Variants in CDKL4 observed in about 807,000 individuals in gnomAD.
CDKL4 encodes the protein cyclin-dependent kinase-like 4.
In CDKL4, 44 loss-of-function variants were observed where a neutral mutation model predicts 42.0. That is an observed-to-expected ratio of 1.05 (90% confidence interval 0.82 to 1.35). The LOEUF is 1.35. Ranked by LOEUF, CDKL4 falls within the 40% of genes most tolerant of loss-of-function variation. CDKL4 has a pLI of 0.00. For synonymous variants in CDKL4, 120 were observed against 121.6 expected, an observed-to-expected ratio of 0.99 and a Z score of 0.09; for missense variants, 393 against 369.9, an observed-to-expected ratio of 1.06 and a Z score of -0.51.
At chr2:39,196,544 CT>C (rs1240554526) in intron 5 of CDKL4, among the ~76,000 whole-genome samples, 3 of 152,210 alleles carry the variant, frequency 2.0e-5, no homozygotes. Context: ...CAGATCTTCC[CT>C]CTGACATAGT....
intron 9 of CDKL4, chr2:39,178,868 A>G (rs1051264053): frequency 1.4e-6 from 2 of 1,477,000 alleles, no homozygotes; most frequent in African/African-American, 1.4e-5. Context: ...TCCTGTTGGA[A>G]TCAGCATTTT....
downstream of CDKL4, among the ~76,000 whole-genome samples, chr2:39,170,699 C>T (rs1334544560): frequency 6.6e-6 from 1 of 152,098 alleles, no homozygotes; most frequent in East Asian, 1.9e-4. Flanking sequence ...TCATGATCTG[C>T]CCACCTCAGC....
chr2:39,238,013 C>G (rs923943654), intron 1 of CDKL4, among the ~76,000 whole-genome samples: 1 of 152,080 alleles, frequency 6.6e-6, no homozygotes, highest in Admixed American at 6.5e-5. Flanking sequence ...AAGTGCAAGA[C>G]CTGCATACTG....
At chr2:39,208,925 C>T (rs1454445699) in intron 4 of CDKL4, among the ~76,000 whole-genome samples, 3 of 151,966 alleles carry the variant, frequency 2.0e-5, no homozygotes, top group African/African-American at 7.2e-5. Context: ...GAGAGAAAAG[C>T]AACCCTCTCC....
chr2:39,221,118 A>G (rs1484884259), intron 3 of CDKL4, among the ~76,000 whole-genome samples: 2 of 146,524 alleles, frequency 1.4e-5, no homozygotes, highest in East Asian at 4.1e-4. Flanking sequence ...GGTTCACACC[A>G]TTCTCCTGCC....
chr2:39,221,002 TTTTTTTTTTTG>T (rs1455294717), intron 3 of CDKL4, among the ~76,000 whole-genome samples: 10,783 of 66,860 alleles, frequency 0.16, 624 homozygotes, highest in Middle Eastern at 0.22. Context: ...TTTTTTTTTG[TTTTTTTTTTTG>T]TTTTGTTTTT....
intron 3 of CDKL4, among the ~76,000 whole-genome samples, chr2:39,218,346 T>C (rs1678070775): frequency 1.3e-5 from 2 of 151,952 alleles, no homozygotes; most frequent in African/African-American, 2.4e-5. Flanking sequence ...ACTCAAAGTT[T>C]AAAAATTAGC....
intron 8 of CDKL4, 77 bp from the exon 9 acceptor site, chr2:39,179,398 T>C: frequency 8.5e-7 from 1 of 1,177,418 alleles, no homozygotes; most frequent in Non-Finnish European, 1.2e-6. Flanking sequence ...ACTGAATAAC[T>C]TGCTAGGATA....
upstream of CDKL4, among the ~76,000 whole-genome samples, chr2:39,244,562 C>A (rs1363174847): frequency 6.6e-6 from 1 of 152,252 alleles, no homozygotes; most frequent in South Asian, 2.1e-4. Flanking sequence ...CTCCCACCCC[C>A]TCCATGGGTT....
At chr2:39,185,177 C>T (rs571029853) in intron 7 of CDKL4, among the ~76,000 whole-genome samples, 12 of 112,670 alleles carry the variant, frequency 1.1e-4, no homozygotes, top group African/African-American at 2.6e-4. Flanking sequence ...TATATATATA[C>T]ATATGTGTAT....
intron 2 of CDKL4, among the ~76,000 whole-genome samples, chr2:39,229,092 G>A (rs1327217898): frequency 6.6e-6 from 1 of 152,116 alleles, no homozygotes; most frequent in Non-Finnish European, 1.5e-5. Flanking sequence ...GCCAGGGTTG[G>A]GGGCGAGCGT....
chr2:39,176,503 C>T (rs138964951), intron 9 of CDKL4, among the ~76,000 whole-genome samples: 3,691 of 152,272 alleles, frequency 0.024, 55 homozygotes, highest in Middle Eastern at 0.027. Flanking sequence ...GGTGCAATCT[C>T]GGCTCACTGC....
At chr2:39,241,237 T>C (rs138969999) in intron 1 of CDKL4, among the ~76,000 whole-genome samples, 2 of 152,238 alleles carry the variant, frequency 1.3e-5, no homozygotes, top group African/African-American at 4.8e-5. Flanking sequence ...TACTCTCAAA[T>C]GGTACAGAAA....
At chr2:39,183,246 C>T (rs949242596) in intron 8 of CDKL4, among the ~76,000 whole-genome samples, 10 of 144,724 alleles carry the variant, frequency 6.9e-5, no homozygotes, top group East Asian at 4.1e-4. Context: ...CCAGCCTGGG[C>T]GACAGAGCAA....
chr2:39,172,860 G>T (rs937951462), downstream of CDKL4, among the ~76,000 whole-genome samples: 2 of 152,170 alleles, frequency 1.3e-5, no homozygotes, highest in Non-Finnish European at 2.9e-5. Context: ...GGGATTACAG[G>T]CATGAGCCAC....
At chr2:39,210,455 G>A (rs1027385981) in intron 4 of CDKL4, among the ~76,000 whole-genome samples, 1 of 152,152 alleles carries the variant, frequency 6.6e-6, no homozygotes, top group Non-Finnish European at 1.5e-5. Flanking sequence ...CAATCAGTTA[G>A]GCAGTTTGGG....
intron 8 of CDKL4, among the ~76,000 whole-genome samples, chr2:39,180,142 G>A (rs1390453420): frequency 6.6e-6 from 1 of 152,182 alleles, no homozygotes; most frequent in Non-Finnish European, 1.5e-5. Context: ...GGTGGCTCAT[G>A]CCTGTAATCC....
intron 7 of CDKL4, among the ~76,000 whole-genome samples, chr2:39,185,895 A>G (rs1196931286): frequency 6.6e-6 from 1 of 152,226 alleles, no homozygotes; most frequent in Non-Finnish European, 1.5e-5. Context: ...TGGGTCCCAA[A>G]TGCTCCCATC....
At chr2:39,190,620 T>C in intron 5 of CDKL4, 118 bp from the exon 6 acceptor site, 2 of 773,944 alleles carry the variant, frequency 2.6e-6, no homozygotes, top group Non-Finnish European at 4.3e-6. Context: ...CTCTTAAGGG[T>C]TAATGCATTG....
Sources: allele counts gnomAD v4.1 joint callset (sites outside exome capture counted in the v4.1 genomes callset), GRCh38; gene constraint gnomAD v4.1.1; transcripts MANE v1.5; gene names NCBI Gene and HGNC (gene_info 2026-07-23, HGNC 2026-07-21).